Variants in IL12B observed in about 807,000 individuals in gnomAD.
The protein encoded by IL12B is interleukin 12B, also known as interleukin-12 subunit beta.
IL12B carries 27 observed loss-of-function variants against 39.2 expected under a neutral mutation model. The observed-to-expected ratio is 0.69, with a 90% CI of 0.51 to 0.95. The LOEUF is 0.95. Ranked by LOEUF, IL12B falls within the 40% of genes least tolerant of loss-of-function variation. The probability of loss-of-function intolerance (pLI) is 0.00; values close to 1 mark genes in which losing one functional copy is unlikely to be tolerated. For missense variants in IL12B, 351 were observed against 397.6 expected (o/e 0.88, Z 1.00); for synonymous variants, 142 against 152.1 (o/e 0.93, Z 0.49).
chr5:159,327,254 A>G (rs1255535095), intron 1 of IL12B, among the ~76,000 whole-genome samples: 1 of 152,216 alleles, frequency 6.6e-6, no homozygotes, highest in African/African-American at 2.4e-5. Flanking sequence ...AGGAGCAAAT[A>G]CTTTTACTCA....
intron 4 of IL12B, among the ~76,000 whole-genome samples, chr5:159,321,309 CT>C (rs1332657238): frequency 6.6e-6 from 1 of 150,620 alleles, no homozygotes; most frequent in Non-Finnish European, 1.5e-5. Flanking sequence ...CTGGCCAGAA[CT>C]TTTTCAATGA....
intron 7 of IL12B, 79 bp from the exon 8 acceptor site, chr5:159,316,179 C>T (rs1427447810): frequency 6.1e-6 from 1 of 164,114 alleles, no homozygotes. Context: ...AACATATGAT[C>T]CTGGGCAACT....
Position 159,323,217 on chromosome 5 carries a change from C to A in IL12B, c.201G>T (p.Glu67Asp), listed in dbSNP as rs986782158. Residue 67 changes from glutamate to aspartate, a missense_variant, in exon 3 of 8, where the codon GAG (glutamate) becomes GAT (aspartate). Transcript: ENST00000231228. ...TCAGGGTTTTGCCAGAGCCTAAGACCTCACTGCTCTGGTCCAAGGTCCAGG... is the reference window on the plus strand; with the variant it reads ...TCAGGGTTTTGCCAGAGCCTAAGACATCACTGCTCTGGTCCAAGGTCCAGG... ...GITWTLDQSS[E>D]VLGSGKTLTI... The A allele has an allele frequency of 6.2e-7, 1 of 1,614,128 alleles. No individual in the cohort carries two copies. Among genetic ancestry groups the A allele is most frequent in the Non-Finnish European group, 8.5e-7 (1 of 1,180,010 alleles).
chr5:159,319,800 T>C (rs998760403), intron 5 of IL12B, among the ~76,000 whole-genome samples: 1 of 152,120 alleles, frequency 6.6e-6, no homozygotes, highest in East Asian at 1.9e-4. Flanking sequence ...GCCTGGTCAA[T>C]GAATAAATAG....
At chr5:159,324,283 A>T (rs1218803945) in intron 2 of IL12B, among the ~76,000 whole-genome samples, 1 of 152,182 alleles carries the variant, frequency 6.6e-6, no homozygotes, top group African/African-American at 2.4e-5. Context: ...AGGGATGCCT[A>T]ATGCTAGTGT....
intron 5 of IL12B, 68 bp downstream of exon 5, chr5:159,320,238 G>T: frequency 7.6e-7 from 1 of 1,313,374 alleles, no homozygotes; most frequent in Non-Finnish European, 1.1e-6. Context: ...CACAGTGCAT[G>T]GGGCATTGTG....
At chr5:159,318,961 G>T in intron 5 of IL12B, 68 bp from the exon 6 acceptor site, 4 of 1,317,982 alleles carry the variant, frequency 3.0e-6, no homozygotes, top group South Asian at 1.2e-5. Flanking sequence ...TTTGGCTTAT[G>T]ATCTCACTTG....
At position 159,316,758 on chromosome 5, in the gene IL12B, C is replaced by T. The variant is rs776601045; in HGVS notation, c.914G>A (p.Ser305Asn). The change falls in exon 7 of 8, where the codon AGC becomes AAC. Residue 305 changes from serine (S) to asparagine (N), a missense_variant. Ser to Asn is a conservative substitution (Grantham distance 46, BLOSUM62 1). Transcript: ENST00000231228. ...SATVICRKNA[S>N]ISVRAQDRYY... ...GCGGTCCTGGGCCCGCACGCTAATG[C>T]TGGCATTTTTGCGGCAGATGACCGT... 6.2e-7 allele frequency: 1 copy of T among 1,614,168 alleles called. No individual in the cohort carries two copies. Among genetic ancestry groups the T allele is most frequent in the African/African-American group, 1.3e-5 (1 of 75,058 alleles).
chr5:159,318,104 A>G (rs1754018316), intron 6 of IL12B: 2 of 157,362 alleles, frequency 1.3e-5, no homozygotes, highest in Admixed American at 1.2e-4. Flanking sequence ...AGTGCTGCTA[A>G]CACCTACACA....
At chr5:159,318,146 C>A (rs1444868239) in intron 6 of IL12B, 1 of 157,978 alleles carries the variant, frequency 6.3e-6, no homozygotes, top group African/African-American at 2.4e-5. Flanking sequence ...CTTTACTTTA[C>A]CTTGCCACAG....
At position 159,316,766 on chromosome 5, in the gene IL12B, T is replaced by G; in HGVS notation, c.906A>C (p.Lys302Asn). ...GGGCCCGCACGCTAATGCTGGCATT[T>G]TTGCGGCAGATGACCGTGGCTGAGG... ...DKTSATVICRKNASISVRAQD... is the reference protein window; with the variant it reads ...DKTSATVICRNNASISVRAQD... Residue 302 changes from lysine to asparagine, a missense_variant, in exon 7 of 8, where the codon AAA (lysine) becomes AAC (asparagine). Transcript: ENST00000231228. 6.2e-7 allele frequency: 1 copy of G among 1,614,104 alleles called. No homozygotes were observed. Among genetic ancestry groups the G allele is most frequent in the Non-Finnish European group, 8.5e-7 (1 of 1,180,022 alleles).
In IL12B at chr5:159,318,756, C is replaced by T. The variant is rs1245834629; in HGVS notation, c.835G>A (p.Gly279Ser). Residue 279 changes from glycine to serine, a missense_variant, in exon 6 of 8, where the codon GGC becomes AGC. Physicochemically the swap from Gly to Ser is moderately conservative, Grantham distance 56 (BLOSUM62 0). Coordinates refer to ENST00000231228, the MANE Select transcript of IL12B (RefSeq NM_002187.3). ...CTTACCTTTTCTCTCTTGCTCTTGC[C>T]CTGGACCTGAACGCAGAATGTCAGG... is the stretch of plus-strand genomic sequence containing the variant. ...FSLTFCVQVQ[G>S]KSKREKKDRV... The T allele has an allele frequency of 1.9e-6, 3 of 1,614,078 alleles. No homozygotes were observed. In the South Asian group the frequency reaches 3.3e-5, roughly 18 times the overall value.
At chr5:159,317,643 G>A (rs958264545) in intron 6 of IL12B, among the ~76,000 whole-genome samples, 17 of 152,356 alleles carry the variant, frequency 1.1e-4, no homozygotes, top group African/African-American at 3.6e-4. Flanking sequence ...AAGGAATTCT[G>A]CTGTAAGGTG....
At chr5:159,322,982 T>G (rs556527732) in intron 3 of IL12B, 72 bp downstream of exon 3, 5 of 1,405,052 alleles carry the variant, frequency 3.6e-6, no homozygotes, top group South Asian at 1.2e-5. Flanking sequence ...GCTTTTCAAT[T>G]TGTTGTTGTT....
chr5:159,324,966 T>C (rs1384979450), intron 2 of IL12B, among the ~76,000 whole-genome samples: 1 of 152,136 alleles, frequency 6.6e-6, no homozygotes, highest in Non-Finnish European at 1.5e-5. Flanking sequence ...TGTGGCACTT[T>C]TGGCTTTTTC....
chr5:159,316,607 A>G (rs949610060), intron 7 of IL12B, 78 bp downstream of exon 7: 22 of 1,504,554 alleles, frequency 1.5e-5, no homozygotes, highest in Non-Finnish European at 1.9e-5. Flanking sequence ...TTCCTCTCCA[A>G]CACAGCCCCC....
chr5:159,318,631 G>A, intron 6 of IL12B, 105 bp downstream of exon 6: 3 of 1,048,464 alleles, frequency 2.9e-6, no homozygotes, highest in Non-Finnish European at 4.5e-6. Flanking sequence ...CTGTTGTTAA[G>A]TGATACATGG....
chr5:159,314,901 G>A lies in IL12B; in HGVS notation c.*1200C>T, dbSNP rs546174255. 1 of 152,380 alleles carries A rather than the reference G, an allele frequency of 6.6e-6. No homozygotes were observed. The highest frequency in any genetic ancestry group is 6.5e-5 in the Admixed American group (1 of 15,290). The allele number at this position is 152,380 out of a possible 1,614,324, so 9.4% of individuals were successfully genotyped here. On this transcript the variant is annotated 3_prime_UTR_variant, in exon 8 of 8. Coordinates refer to ENST00000231228, the MANE Select transcript of IL12B (RefSeq NM_002187.3). ...AGCGCACATACATTACTTAAAAGTA[G>A]CACCTTCATGGAGCCATATTTTCTG...
At chr5:159,316,172 A>G (rs1198925828) in intron 7 of IL12B, 72 bp from the exon 8 acceptor site, 1 of 162,094 alleles carries the variant, frequency 6.2e-6, no homozygotes, top group Non-Finnish European at 1.4e-5. Flanking sequence ...TTCTCACAAC[A>G]TATGATCCTG....
Sources: gnomAD v4.1 joint callset for allele counts (sites outside exome capture counted in the v4.1 genomes callset) on GRCh38, gnomAD v4.1.1 for gene constraint, MANE v1.5 for transcripts, NCBI Gene and HGNC (gene_info 2026-07-23, HGNC 2026-07-21) for gene names.